Variants in KCMF1 observed in about 807,000 individuals in gnomAD.
The protein encoded by KCMF1 is E3 ubiquitin-protein ligase KCMF1.
KCMF1 carries 3 observed loss-of-function variants against 41.1 expected under a neutral mutation model. That is an observed-to-expected ratio of 0.07 (90% CI 0.03 to 0.19). The LOEUF (loss-of-function observed/expected upper bound fraction) is 0.19, where lower values mean the gene tolerates loss of function less well. KCMF1 is among the 10% of genes least tolerant of loss of function. The probability of loss-of-function intolerance (pLI) is 1.00; values close to 1 mark genes in which losing one functional copy is unlikely to be tolerated. For missense variants in KCMF1, 286 were observed against 488.9 expected, an observed-to-expected ratio of 0.58 and a Z score of 3.91; for synonymous variants, 142 against 164.5, an observed-to-expected ratio of 0.86 and a Z score of 1.04.
chr2:84,992,928 C>G (rs1022306047), intron 1 of KCMF1, among the ~76,000 whole-genome samples: 1 of 152,124 alleles, frequency 6.6e-6, no homozygotes, highest in Non-Finnish European at 1.5e-5. Context: ...TTCAGCTGGG[C>G]TCAGTGTATA....
chr2:85,036,534 G>T (rs1675407456), intron 3 of KCMF1, among the ~76,000 whole-genome samples: 1 of 152,126 alleles, frequency 6.6e-6, no homozygotes, highest in African/African-American at 2.4e-5. Context: ...AGTGACTCAT[G>T]ACTGTAATCC....
At chr2:85,045,230 C>A (rs934586838) in intron 4 of KCMF1, among the ~76,000 whole-genome samples, 20 of 151,432 alleles carry the variant, frequency 1.3e-4, no homozygotes, top group Non-Finnish European at 2.8e-4. Flanking sequence ...CAAAGTGAGA[C>A]CCTGTCTCAA....
At chr2:84,987,282 AATTGGTATCACTGAAGCAG>A (rs1559126586) in intron 1 of KCMF1, among the ~76,000 whole-genome samples, 2 of 152,186 alleles carry the variant, frequency 1.3e-5, no homozygotes, top group Non-Finnish European at 2.9e-5. Context: ...GAACAATGAA[AATTGGTATCACTGAAGCAG>A]ATTGTTATGG....
chr2:85,052,337 C>T (rs1362886808), intron 6 of KCMF1, among the ~76,000 whole-genome samples: 1 of 152,170 alleles, frequency 6.6e-6, no homozygotes, highest in Non-Finnish European at 1.5e-5. Context: ...TCCCAAAGTG[C>T]TGGGATTACA....
chr2:84,993,296 A>G (rs894103189), intron 1 of KCMF1, among the ~76,000 whole-genome samples: 3 of 152,154 alleles, frequency 2.0e-5, no homozygotes, highest in Admixed American at 6.5e-5. Flanking sequence ...CACTGTCCTC[A>G]TGACATAATA....
intron 1 of KCMF1, among the ~76,000 whole-genome samples, chr2:84,980,020 A>T (rs562820798): frequency 2.0e-5 from 3 of 148,516 alleles, no homozygotes; most frequent in Non-Finnish European, 4.5e-5. Flanking sequence ...TGTAGTAGAG[A>T]TGGTGTTTCT....
intron 1 of KCMF1, among the ~76,000 whole-genome samples, chr2:85,007,362 C>G (rs368937770): frequency 6.6e-6 from 1 of 152,196 alleles, no homozygotes; most frequent in African/African-American, 2.4e-5. Context: ...TTCGGCTTCC[C>G]CGAGTTTCCA....
At chr2:84,999,378 C>G (rs969054938) in intron 1 of KCMF1, among the ~76,000 whole-genome samples, 11 of 152,098 alleles carry the variant, frequency 7.2e-5, no homozygotes, top group African/African-American at 2.7e-4. Flanking sequence ...GTCTTGAACT[C>G]CTGAATTCGT....
chr2:85,001,293 G>A (rs1474350452), intron 1 of KCMF1, among the ~76,000 whole-genome samples: 3 of 151,778 alleles, frequency 2.0e-5, no homozygotes, highest in Admixed American at 6.6e-5. Flanking sequence ...GAGTAGCTGT[G>A]ACTACAGGCG....
chr2:85,031,972 T>C (rs1675285019), intron 2 of KCMF1, among the ~76,000 whole-genome samples: 1 of 152,182 alleles, frequency 6.6e-6, no homozygotes, highest in Admixed American at 6.6e-5. Flanking sequence ...ACTCCTGAGC[T>C]CAAGTGGTCC....
At chr2:85,008,347 A>ATTATATATC (rs372126026) in intron 1 of KCMF1, among the ~76,000 whole-genome samples, 1 of 7,332 alleles carries the variant, frequency 1.4e-4, no homozygotes, top group South Asian at 0.015. Context: ...TATGATATAT[A>ATTATATATC]ATATATAATA....
rs28455924 is a variant in KCMF1, at chr2:85,034,929, T to A, written c.185-87T>A. 6 of 1,195,438 alleles carry A rather than the reference T, an allele frequency of 5.0e-6. No homozygotes were observed. The South Asian group carries it at 9.6e-5, about 19-fold the overall frequency. 74.1% of individuals were successfully genotyped at this position (1,195,438 alleles called of 1,614,324 possible). On this transcript the variant is annotated intron_variant, in intron 2 of 6. Transcript: ENST00000409785. ...GAACCACTGCTCCTGGCCCACACTT[T>A]CTTTTTTACATTATTGTATCGTACG...
At chr2:84,979,762 T>G (rs1673656107) in intron 1 of KCMF1, among the ~76,000 whole-genome samples, 1 of 152,146 alleles carries the variant, frequency 6.6e-6, no homozygotes, top group South Asian at 2.1e-4. Flanking sequence ...TTTGAAGTTA[T>G]TCATTAAAAT....
intron 6 of KCMF1, among the ~76,000 whole-genome samples, chr2:85,050,228 C>G (rs940877736): frequency 6.6e-6 from 1 of 152,120 alleles, no homozygotes; most frequent in Non-Finnish European, 1.5e-5. Context: ...ACCCATAAAA[C>G]TTAAACACTA....
chr2:84,971,470 G>T lies in KCMF1; in HGVS notation c.16+3G>T. 1 of 1,281,242 alleles carries T rather than the reference G, an allele frequency of 7.8e-7. No individual in the cohort carries two copies. Among genetic ancestry groups the T allele is most frequent in the Non-Finnish European group, 1.0e-6 (1 of 991,300 alleles). The allele number at this position is 1,281,242 out of a possible 1,614,324, so 79.4% of individuals were successfully genotyped here. ...AACTAGGATGTCCCGACATGAAGGT[G>T]AGAGGAGCCCCCGCCCCCACCCGCA... On this transcript the variant is annotated splice_donor_region_variant and intron_variant, in intron 1 of 6. Transcript: ENST00000409785.
chr2:85,029,164 G>A (rs567175620), intron 2 of KCMF1, among the ~76,000 whole-genome samples: 2 of 149,974 alleles, frequency 1.3e-5, no homozygotes, highest in African/African-American at 5.0e-5. Flanking sequence ...TAGAGATGAA[G>A]TTTCACTATG....
intron 1 of KCMF1, among the ~76,000 whole-genome samples, chr2:85,002,867 A>G (rs976902712): frequency 1.3e-5 from 2 of 152,120 alleles, no homozygotes; most frequent in Non-Finnish European, 2.9e-5. Flanking sequence ...TCTATATACT[A>G]TATATACTAA....
chr2:85,014,020 C>T (rs1411664961), intron 1 of KCMF1: 2 of 152,178 alleles, frequency 1.3e-5, no homozygotes, highest in African/African-American at 4.8e-5. Context: ...ACCCTGTTTT[C>T]AGTGCTCAGT....
chr2:84,974,672 T>A, intron 1 of KCMF1, among the ~76,000 whole-genome samples: 1 of 37,776 alleles, frequency 2.6e-5, no homozygotes, highest in African/African-American at 1.1e-4. Flanking sequence ...TATATATATA[T>A]ATATATATAT....
Sources: allele counts gnomAD v4.1 joint callset (sites outside exome capture counted in the v4.1 genomes callset), GRCh38; gene constraint gnomAD v4.1.1; transcripts MANE v1.5; gene names NCBI Gene and HGNC (gene_info 2026-07-23, HGNC 2026-07-21).